The following ST6GALNAC4 variants were observed in gnomAD, a reference collection of about 807,000 sequenced individuals.
ST6GALNAC4 encodes alpha-N-acetyl-neuraminyl-2,3-beta-galactosyl-1,3-N-acetyl-galactosaminide alpha-2,6-sialyltransferase.
In ST6GALNAC4, 24 loss-of-function variants were observed where a neutral mutation model predicts 30.4. The ratio of observed to expected loss-of-function variants is 0.79; its 90% CI spans 0.57 to 1.11. ST6GALNAC4 has a LOEUF of 1.11. Among genes scored for constraint, ST6GALNAC4 ranks in the 50% most tolerant of loss-of-function variants. The pLI is 0.00. For synonymous variants in ST6GALNAC4, 156 were observed against 179.7 expected, an observed-to-expected ratio of 0.87 and a Z score of 1.05; for missense variants, 365 against 430.1, an observed-to-expected ratio of 0.85 and a Z score of 1.34.
rs966618304 is a variant in ST6GALNAC4, at chr9:127,912,175, G to A, written c.611+93C>T. The A allele has an allele frequency of 2.2e-5, 32 of 1,487,376 alleles. No homozygotes were observed. In the African/African-American group the frequency reaches 3.6e-4, roughly 17 times the overall value. The allele number at this position is 1,487,376 out of a possible 1,614,324, so 92.1% of individuals were successfully genotyped here. ...GCCTCCATGAGTGCTGACCTCCCGG[G>A]CCTGACAGAGCAGCCCCTGATGGAC... On this transcript the variant is annotated intron_variant, in intron 4 of 5. Transcript: ENST00000335791.
Position 127,912,509 on chromosome 9 carries a change from C to T in ST6GALNAC4, c.370G>A (p.Val124Ile), listed in dbSNP as rs749985360. The T allele has an allele frequency of 1.3e-5, 21 of 1,613,742 alleles. No homozygotes were observed. The African/African-American group carries it at 2.0e-4, about 15-fold the overall frequency. ...DVGQRSTLRV[V>I]SHTSVPLLLR... ...AGCAGCGGCACGCTTGTGTGTGAGA[C>T]GACACGCAGGGTGCTGCGCTGGCCC... The change falls in exon 4 of 6, where the codon GTC becomes ATC. Residue 124 changes from valine (V) to isoleucine (I), a missense_variant. Transcript: ENST00000335791.
chr9:127,914,490 CAAAAA>C lies in ST6GALNAC4; in HGVS notation c.198+161_198+165del, dbSNP rs60857050. ...TGGGAGAAACAGAAAGACTCCGTCT[CAAAAA>C]AAAAAAAAAAAAAAAAAAAAAAAAG... On this transcript the variant is annotated intron_variant, in intron 3 of 5. Coordinates refer to ENST00000335791, the MANE Select transcript of ST6GALNAC4 (RefSeq NM_175039.4). 3.1e-3 allele frequency among the ~76,000 whole-genome samples: 157 copies of C among 50,118 alleles called. 2 individuals carry two copies. Among genetic ancestry groups the C allele is most frequent in the African/African-American group, 0.013 (147 of 10,912 alleles). 32.9% of individuals were successfully genotyped at this position (50,118 alleles called of 152,430 possible). A position where few individuals can be genotyped will look rare whatever the true frequency, so the allele number is the denominator to read the frequency against.
intron 4 of ST6GALNAC4, chr9:127,910,575 T>C (rs775797040): frequency 5.0e-6 from 5 of 990,756 alleles, no homozygotes; most frequent in Non-Finnish European, 6.0e-6. Flanking sequence ...GGGAACACTG[T>C]CAGCCCAGCC....
At chr9:127,916,149 T>G (rs1260712994) in intron 2 of ST6GALNAC4, 1 of 578,660 alleles carries the variant, frequency 1.7e-6, no homozygotes, top group South Asian at 2.1e-5. Context: ...CAGTTCCACG[T>G]AGGCTTTGCC....
In ST6GALNAC4 at chr9:127,914,648, C is replaced by T. The variant is rs1465205957; in HGVS notation, c.198+8G>A. The T allele has an allele frequency of 1.2e-6, 2 of 1,602,616 alleles. No homozygotes were observed. Among genetic ancestry groups the T allele is most frequent in the African/African-American group, 2.7e-5 (2 of 74,018 alleles). On this transcript the variant is annotated splice_region_variant and intron_variant, in intron 3 of 5. Coordinates refer to ENST00000335791, the MANE Select transcript of ST6GALNAC4 (RefSeq NM_175039.4). ...ACCCACCCCGGATGCATTGCCTGGC[C>T]CACTCACCTTCCCATCTGGCACACT... is the stretch of plus-strand genomic sequence containing the variant.
intron 4 of ST6GALNAC4, chr9:127,910,343 G>A: frequency 8.4e-7 from 1 of 1,196,154 alleles, no homozygotes; most frequent in African/African-American, 1.6e-5. Flanking sequence ...TGATGGGTGT[G>A]GGGGCTCTGG....
chr9:127,912,284 C>T lies in ST6GALNAC4; in HGVS notation c.595G>A (p.Glu199Lys), dbSNP rs1186948776. The change falls in exon 4 of 6, where the codon GAG becomes AAG. Residue 199 changes from glutamate (E) to lysine (K), a missense_variant. Physicochemically the swap from Glu to Lys is moderately conservative, Grantham distance 56. Transcript: ENST00000335791. The stretch of plus-strand genomic sequence containing the variant: ...CAGGCTCACCGGTTCTTGCCCGTCT[C>T]GTCCTGGAAGATCTGGTCGCAGTAG... ...MAYCDQIFQD[E>K]TGKNRRQSGS... The T allele has an allele frequency of 5.6e-6, 9 of 1,610,598 alleles. No homozygotes were observed. The highest frequency in any genetic ancestry group is 4.4e-5 in the South Asian group (4 of 90,942).
In ST6GALNAC4 at chr9:127,910,056, C is replaced by T. The variant is rs753558953; in HGVS notation, c.614G>A (p.Arg205Lys). Residue 205 changes from arginine to lysine, a missense_variant and splice_region_variant, in exon 5 of 6, where the codon AGG becomes AAG. Physicochemically the swap from Arg to Lys is conservative, Grantham distance 26. Coordinates refer to ENST00000335791, the MANE Select transcript of ST6GALNAC4 (RefSeq NM_175039.4). The stretch of plus-strand genomic sequence containing the variant: ...GGTGCTGAGGAAGGAGCCCGACTGC[C>T]TCCTGGGGGTGGCGGGGGGACAGGG... ...IFQDETGKNRRQSGSFLSTGW... is the reference protein window; with the variant it reads ...IFQDETGKNRKQSGSFLSTGW... The T allele has an allele frequency of 3.1e-6, 5 of 1,613,264 alleles. No individual in the cohort carries two copies. In the Admixed American group the frequency reaches 8.3e-5, roughly 27 times the overall value.
At chr9:127,916,308 G>T in intron 2 of ST6GALNAC4, 100 bp downstream of exon 2, 1 of 1,495,220 alleles carries the variant, frequency 6.7e-7, no homozygotes, top group Non-Finnish European at 9.3e-7. Flanking sequence ...GCAGTAGGGA[G>T]GTCAGAAGTG....
rs765125682 is a variant in ST6GALNAC4 at position 127,916,431 on chromosome 9, C to G, written c.-12G>C. 1.2e-5 allele frequency: 20 copies of G among 1,614,056 alleles called. 1 individual carries two copies. Among genetic ancestry groups the G allele is most frequent in the South Asian group, 5.5e-5 (5 of 91,096 alleles). On this transcript the variant is annotated 5_prime_UTR_variant, in exon 2 of 6. Transcript: ENST00000335791. ...ACCGGAGCCTTCATGCTGTCGCTGT[C>G]CCTCAGTAGTCTAGGGGCTGCTGTC... is the stretch of plus-strand genomic sequence containing the variant.
rs1379731840 is a variant in ST6GALNAC4, at chr9:127,909,949, A to C, written c.719+2T>G. ...CCGCGTGCCCGGCCTGGCCGGTCTG[A>C]CCTGCAGTAGCTGTCGCTGACCATC... On this transcript the variant is annotated splice_donor_variant, in intron 5 of 5. Coordinates refer to ENST00000335791, the MANE Select transcript of ST6GALNAC4 (RefSeq NM_175039.4). LOFTEE classifies it high-confidence loss of function. The C allele has an allele frequency of 6.2e-7, 1 of 1,613,134 alleles. No individual in the cohort carries two copies. Among genetic ancestry groups the C allele is most frequent in the Admixed American group, 1.7e-5 (1 of 59,980 alleles).
At position 127,912,303 on chromosome 9, in the gene ST6GALNAC4, G is replaced by A. The variant is rs148599736; in HGVS notation, c.576C>T (p.Cys192=). ...CCGTCTCGTCCTGGAAGATCTGGTC[G>A]CAGTAGGCCATCATGCGCTCCGTGA... ...YTFTERMMAY[C]DQIFQDETGK... is the part of the protein sequence containing the mutation. The change falls in exon 4 of 6, where the codon TGC becomes TGT. Residue 192 remains cysteine (C), a synonymous_variant. Coordinates refer to ENST00000335791, the MANE Select transcript of ST6GALNAC4 (RefSeq NM_175039.4). The A allele has an allele frequency of 5.6e-5, 90 of 1,612,740 alleles. No homozygotes were observed. Among genetic ancestry groups the A allele is most frequent in the East Asian group, 8.9e-5 (4 of 44,872 alleles).
intron 5 of ST6GALNAC4, among the ~76,000 whole-genome samples, chr9:127,909,354 A>T (rs1336825840): frequency 6.6e-6 from 1 of 150,946 alleles, no homozygotes; most frequent in African/African-American, 2.4e-5. Flanking sequence ...GCGCCACTGC[A>T]CTCCAGCCTG....
intron 4 of ST6GALNAC4, among the ~76,000 whole-genome samples, chr9:127,911,813 A>G (rs7468519): frequency 0.97 from 147,006 of 151,870 alleles, 71,314 homozygotes; most frequent in Non-Finnish European, 1. Flanking sequence ...GTAGAGCCCA[A>G]GGTTTCACCA....
intron 5 of ST6GALNAC4, 43 bp downstream of exon 5, chr9:127,909,908 A>G (rs766904828): frequency 6.3e-7 from 1 of 1,589,326 alleles, no homozygotes; most frequent in East Asian, 2.2e-5. Context: ...GAGGGCTCAC[A>G]GTCCTCCCCG....
intron 2 of ST6GALNAC4, among the ~76,000 whole-genome samples, 187 bp from the exon 3 acceptor site, chr9:127,915,028 G>A: frequency 6.6e-6 from 1 of 152,220 alleles, no homozygotes; most frequent in Non-Finnish European, 1.5e-5. Context: ...GGCACATAAG[G>A]CCCCGGAGAT....
At position 127,912,646 on chromosome 9, in the gene ST6GALNAC4, A is replaced by T. The variant is rs753335465; in HGVS notation, c.233T>A (p.Val78Glu). Residue 78 changes from valine to glutamate, a missense_variant, in exon 4 of 6, where the codon GTG becomes GAG. Val to Glu is a moderately radical substitution (Grantham distance 121). Transcript: ENST00000335791. Reference protein sequence around the residue: ...LVREPCRSCAVVSSSGQMLGS... With the variant: ...LVREPCRSCAEVSSSGQMLGS... ...CAGCATTTGGCCGGAGCTGGACACC[A>T]CGGCACAGCTGCGGCAGGGCTCGCG... is the stretch of plus-strand genomic sequence containing the variant. The T allele has an allele frequency of 1.9e-6, 3 of 1,591,562 alleles. No individual in the cohort carries two copies. Among genetic ancestry groups the T allele is most frequent in the Non-Finnish European group, 1.7e-6 (2 of 1,171,118 alleles).
Position 127,912,495 on chromosome 9 carries a change from G to A in ST6GALNAC4, c.384C>T (p.Ser128=), listed in dbSNP as rs534873556. 12 of 1,613,882 alleles carry A rather than the reference G, an allele frequency of 7.4e-6. No homozygotes were observed. In the Admixed American group the frequency reaches 1.2e-4, roughly 16 times the overall value. ...RSTLRVVSHT[S]VPLLLRNYSH... is the part of the protein sequence containing the mutation. ...AATAGTTGCGCAGCAGCAGCGGCAC[G>A]CTTGTGTGTGAGACGACACGCAGGG... The change falls in exon 4 of 6, where the codon AGC becomes AGT. Residue 128 remains serine (S), a synonymous_variant. Coordinates refer to ENST00000335791, the MANE Select transcript of ST6GALNAC4 (RefSeq NM_175039.4).
chr9:127,916,115 C>T (rs537490527), intron 2 of ST6GALNAC4: 7 of 536,452 alleles, frequency 1.3e-5, no homozygotes, highest in African/African-American at 1.1e-4. Context: ...AAGACAAGAG[C>T]GGCTGAACTG....
Sources: allele counts gnomAD v4.1 joint callset (sites outside exome capture counted in the v4.1 genomes callset), GRCh38; gene constraint gnomAD v4.1.1; transcripts MANE v1.5; gene names NCBI Gene and HGNC (gene_info 2026-07-23, HGNC 2026-07-21).